SYTL3: variants seen among roughly 807,000 people sequenced by gnomAD.
SYTL3 encodes the protein synaptotagmin-like protein 3.
A neutral mutation model predicts 82.1 loss-of-function variants in SYTL3; 88 were observed. The observed-to-expected ratio is 1.07, with a 90% CI of 0.90 to 1.28. The LOEUF is 1.28. SYTL3 is among the 50% of genes most tolerant of loss of function. SYTL3 has a pLI of 0.00. For missense variants in SYTL3, 831 were observed against 757.6 expected, an observed-to-expected ratio of 1.10 and a Z score of -1.14; for synonymous variants, 311 against 289.4, an observed-to-expected ratio of 1.07 and a Z score of -0.76.
intron 11 of SYTL3, among the ~76,000 whole-genome samples, chr6:158,728,465 G>C (rs1158332054): frequency 6.6e-6 from 1 of 152,124 alleles, no homozygotes; most frequent in African/African-American, 2.4e-5. Context: ...TGATCTCTTC[G>C]TCTGTCCTTA....
At chr6:158,744,686 G>A (rs548624557) in intron 11 of SYTL3, among the ~76,000 whole-genome samples, 26 of 152,258 alleles carry the variant, frequency 1.7e-4, no homozygotes, top group East Asian at 1.2e-3. Context: ...TTGGGAATTC[G>A]AAGTAGAAAT....
chr6:158,704,495 G>A (rs1361403342), intron 6 of SYTL3, among the ~76,000 whole-genome samples: 1 of 152,292 alleles, frequency 6.6e-6, no homozygotes, highest in African/African-American at 2.4e-5. Context: ...GTGGACCTGA[G>A]GCAGAACTGC....
intron 2 of SYTL3, among the ~76,000 whole-genome samples, chr6:158,655,588 C>T (rs1459854046): frequency 2.0e-5 from 3 of 152,220 alleles, no homozygotes; most frequent in African/African-American, 7.2e-5. Flanking sequence ...CTTGATCTGG[C>T]CCTTGAAGGG....
Position 158,718,085 on chromosome 6 carries a change from A to T in SYTL3, c.596-2A>T. 1 of 1,527,830 alleles carries T rather than the reference A, an allele frequency of 6.5e-7. No homozygotes were observed. The highest frequency in any genetic ancestry group is 8.8e-7 in the Non-Finnish European group (1 of 1,136,106). 94.6% of individuals were successfully genotyped at this position (1,527,830 alleles called of 1,614,324 possible). ...CCATCAACCCTTGTGTTTGCCTTTT[A>T]GAGCTCTCCAAATCCCAGAATGATA... On this transcript the variant is annotated splice_acceptor_variant, in intron 9 of 17. Coordinates refer to ENST00000611299, the MANE Select transcript of SYTL3 (RefSeq NM_001242394.2). LOFTEE classifies it high-confidence loss of function.
chr6:158,691,126 C>CGTTTGAGGCCAGGA (rs547892349), intron 6 of SYTL3, among the ~76,000 whole-genome samples: 16 of 152,014 alleles, frequency 1.1e-4, no homozygotes, highest in Non-Finnish European at 2.1e-4. Flanking sequence ...GTGGGAGGAT[C>CGTTTGAGGCCAGGA]GTTTGAGGCC....
chr6:158,674,411 A>T (rs1313723872), intron 5 of SYTL3, among the ~76,000 whole-genome samples: 1 of 152,072 alleles, frequency 6.6e-6, no homozygotes, highest in African/African-American at 2.4e-5. Flanking sequence ...CTGCTTTCTG[A>T]AAGTTCCCTC....
chr6:158,746,951 A>G (rs537934575), intron 12 of SYTL3, among the ~76,000 whole-genome samples: 10 of 151,932 alleles, frequency 6.6e-5, no homozygotes, highest in African/African-American at 2.4e-4. Flanking sequence ...CAGCCTTTTG[A>G]GCCACTTTTT....
chr6:158,733,934 A>G (rs1785778095), intron 11 of SYTL3, among the ~76,000 whole-genome samples: 1 of 151,502 alleles, frequency 6.6e-6, no homozygotes, highest in African/African-American at 2.4e-5. Flanking sequence ...CGTCTCTACT[A>G]AAAATACAAA....
At chr6:158,694,818 C>T (rs1416924022) in intron 6 of SYTL3, among the ~76,000 whole-genome samples, 2 of 152,150 alleles carry the variant, frequency 1.3e-5, no homozygotes, top group African/African-American at 4.8e-5. Context: ...CTCCTGATGT[C>T]CTCTGAGCCC....
intron 6 of SYTL3, 92 bp from the exon 7 acceptor site, chr6:158,707,138 A>G (rs771197350): frequency 1.3e-5 from 17 of 1,282,204 alleles, no homozygotes; most frequent in Non-Finnish European, 1.7e-5. Context: ...AAATGATACT[A>G]GAGAAAATAA....
chr6:158,696,493 G>A (rs146250722), intron 6 of SYTL3, among the ~76,000 whole-genome samples: 50 of 151,792 alleles, frequency 3.3e-4, no homozygotes, highest in South Asian at 1.7e-3. Flanking sequence ...GTGAGCCACC[G>A]CACCTGGCCA....
chr6:158,742,194 C>T (rs947528539), intron 11 of SYTL3, among the ~76,000 whole-genome samples: 6 of 152,102 alleles, frequency 3.9e-5, no homozygotes, highest in African/African-American at 1.2e-4. Flanking sequence ...ATAAATAAAG[C>T]GAGAAATGCC....
chr6:158,648,795 T>TTG (rs777367742), upstream of SYTL3, among the ~76,000 whole-genome samples: 7 of 152,070 alleles, frequency 4.6e-5, no homozygotes, highest in African/African-American at 7.2e-5. Flanking sequence ...GAGGGTGCTG[T>TTG]TGAAACACTC....
chr6:158,675,148 T>C (rs1301933679), intron 5 of SYTL3, among the ~76,000 whole-genome samples: 1 of 152,194 alleles, frequency 6.6e-6, no homozygotes, highest in Non-Finnish European at 1.5e-5. Flanking sequence ...CCACCTTATC[T>C]CTTTAATTCT....
At chr6:158,750,895 A>C (rs1788302408) in intron 12 of SYTL3, among the ~76,000 whole-genome samples, 1 of 152,126 alleles carries the variant, frequency 6.6e-6, no homozygotes, top group Non-Finnish European at 1.5e-5. Flanking sequence ...TCCCAGGTAC[A>C]AGCGATTCTC....
intron 2 of SYTL3, among the ~76,000 whole-genome samples, chr6:158,659,322 G>C (rs1015296000): frequency 6.6e-6 from 1 of 152,186 alleles, no homozygotes; most frequent in Non-Finnish European, 1.5e-5. Context: ...GCCAGAAGGA[G>C]CTGTCTGTCT....
chr6:158,673,638 A>G (rs1777655024), intron 5 of SYTL3, among the ~76,000 whole-genome samples: 1 of 149,628 alleles, frequency 6.7e-6, no homozygotes, highest in South Asian at 2.2e-4. Context: ...ACGGGGTTTC[A>G]CCATGTTAGC....
At chr6:158,759,321 C>T (rs1243535126) in intron 14 of SYTL3, among the ~76,000 whole-genome samples, 4 of 152,200 alleles carry the variant, frequency 2.6e-5, no homozygotes, top group African/African-American at 4.8e-5. Context: ...TGTTCCGCCT[C>T]GGTTTCTGGC....
At chr6:158,727,658 C>T (rs979398531) in intron 11 of SYTL3, among the ~76,000 whole-genome samples, 4 of 147,916 alleles carry the variant, frequency 2.7e-5, no homozygotes, top group African/African-American at 1.0e-4. Flanking sequence ...CTCCCATGGC[C>T]GTTCTCATGT....
Sources: gnomAD v4.1 joint callset for allele counts (sites outside exome capture counted in the v4.1 genomes callset) on GRCh38, gnomAD v4.1.1 for gene constraint, MANE v1.5 for transcripts, NCBI Gene and HGNC (gene_info 2026-07-23, HGNC 2026-07-21) for gene names.